Variants in PCGF5 observed in about 807,000 individuals in gnomAD.
PCGF5 encodes the protein polycomb group ring finger 5.
In PCGF5, 9 loss-of-function variants were observed where a neutral mutation model predicts 44.3. The ratio of observed to expected loss-of-function variants is 0.20; its 90% CI spans 0.12 to 0.35. PCGF5 has a LOEUF of 0.35. PCGF5 is among the 10% of genes least tolerant of loss of function. The probability of loss-of-function intolerance (pLI) is 1.00; values close to 1 mark genes in which losing one functional copy is unlikely to be tolerated. For missense variants in PCGF5, 146 were observed against 305.3 expected (o/e 0.48, Z 3.89); for synonymous variants, 95 against 102.5 (o/e 0.93, Z 0.44).
In PCGF5 at chr10:91,230,396, A is replaced by C. The variant is rs186438602; in HGVS notation, c.112+7413A>C. Reference sequence around the variant, plus strand: ...TAACTTTGTAAAAAAGACAAAAGATAATTTTCATTTGGGTACTCTGAAGAC... The same window carrying C: ...TAACTTTGTAAAAAAGACAAAAGATCATTTTCATTTGGGTACTCTGAAGAC... On this transcript the variant is annotated intron_variant, in intron 2 of 9. Coordinates refer to ENST00000336126, the MANE Select transcript of PCGF5 (RefSeq NM_032373.5). Among the ~76,000 whole-genome samples, 20 of 152,238 alleles carry C rather than the reference A, an allele frequency of 1.3e-4. No individual in the cohort carries two copies. In the East Asian group the frequency reaches 3.9e-3, roughly 29 times the overall value.
intron 1 of PCGF5, among the ~76,000 whole-genome samples, chr10:91,210,130 C>T (rs984337532): frequency 2.6e-5 from 4 of 152,142 alleles, no homozygotes; most frequent in Non-Finnish European, 5.9e-5. Flanking sequence ...TCTCCCTTAA[C>T]GCTTCCTTCT....
intron 6 of PCGF5, among the ~76,000 whole-genome samples, chr10:91,258,526 A>T (rs1436504162): frequency 6.6e-6 from 1 of 152,112 alleles, no homozygotes; most frequent in Non-Finnish European, 1.5e-5. Context: ...CAGACTGGGG[A>T]TGATCAACCT....
At chr10:91,162,396 CT>C (rs1488902609), upstream of PCGF5, among the ~76,000 whole-genome samples, 1 of 152,048 alleles carries the variant, frequency 6.6e-6, no homozygotes, top group African/African-American at 2.4e-5. Flanking sequence ...TGGAGGGCAG[CT>C]TATACGGGAA....
intron 1 of PCGF5, among the ~76,000 whole-genome samples, chr10:91,179,556 G>A (rs968063989): frequency 1.3e-5 from 2 of 152,112 alleles, no homozygotes; most frequent in African/African-American, 2.4e-5. Flanking sequence ...GTGTCCATAT[G>A]TTCTCATCAT....
chr10:91,278,488 G>C lies in PCGF5; in HGVS notation c.*172G>C. On this transcript the variant is annotated 3_prime_UTR_variant, in exon 10 of 10. Coordinates refer to ENST00000336126, the MANE Select transcript of PCGF5 (RefSeq NM_032373.5). ...GTTGCATTCATGTTGTTTCTATTAGGAGCAAACCAAGTGCCATTCTGCTAC... is the reference window on the plus strand; with the variant it reads ...GTTGCATTCATGTTGTTTCTATTAGCAGCAAACCAAGTGCCATTCTGCTAC... 2 of 629,280 alleles carry C rather than the reference G, an allele frequency of 3.2e-6. No individual in the cohort carries two copies. Among genetic ancestry groups the C allele is most frequent in the Non-Finnish European group, 5.7e-6 (2 of 350,358 alleles). 39.0% of individuals were successfully genotyped at this position (629,280 alleles called of 1,614,324 possible).
At position 91,246,229 on chromosome 10, in the gene PCGF5, G is replaced by A. The variant is rs1359437325; in HGVS notation, c.210-2276G>A. Among the ~76,000 whole-genome samples the A allele has an allele frequency of 3.3e-5, 5 of 152,208 alleles. No homozygotes were observed. The East Asian group carries it at 9.6e-4, about 29-fold the overall frequency. On this transcript the variant is annotated intron_variant, in intron 3 of 9. Transcript: ENST00000336126. The stretch of plus-strand genomic sequence containing the variant: ...CTGATCTGTTTGTATGTAGTGAGAA[G>A]TGCTGTTTTTTATTCACTCCTACTA...
At chr10:91,225,263 G>GTATATACGATATATATCATAACA (rs1009656480) in intron 2 of PCGF5, among the ~76,000 whole-genome samples, 4 of 145,352 alleles carry the variant, frequency 2.8e-5, no homozygotes, top group Admixed American at 6.9e-5. Context: ...TCGTATATAT[G>GTATATACGATATATATCATAACA]TATATACGAT....
upstream of PCGF5, among the ~76,000 whole-genome samples, chr10:91,216,197 A>C (rs144097787): frequency 6.6e-6 from 1 of 152,336 alleles, no homozygotes; most frequent in Non-Finnish European, 1.5e-5. Flanking sequence ...GTGAGTTGTT[A>C]ATGTATGAAT....
chr10:91,170,128 A>G (rs897764326), intron 1 of PCGF5, among the ~76,000 whole-genome samples: 7 of 152,366 alleles, frequency 4.6e-5, no homozygotes, highest in Middle Eastern at 3.4e-3. Flanking sequence ...CCAAAAATTA[A>G]TTCAAAATGG....
chr10:91,259,795 C>G (rs1845849842), intron 6 of PCGF5, among the ~76,000 whole-genome samples: 1 of 152,182 alleles, frequency 6.6e-6, no homozygotes, highest in South Asian at 2.1e-4. Context: ...GGATCCCTTC[C>G]TTACACCTTA....
intron 1 of PCGF5, among the ~76,000 whole-genome samples, chr10:91,214,327 GAGAC>G (rs936878680): frequency 9.3e-5 from 14 of 150,992 alleles, no homozygotes; most frequent in African/African-American, 2.2e-4. Flanking sequence ...AAAAAAAGGA[GAGAC>G]AGACAGACAA....
At chr10:91,212,680 C>T (rs916994278) in intron 1 of PCGF5, among the ~76,000 whole-genome samples, 1 of 152,184 alleles carries the variant, frequency 6.6e-6, no homozygotes, top group African/African-American at 2.4e-5. Context: ...CCCACTAATT[C>T]TGTTTGTTGT....
At chr10:91,179,808 A>G (rs1843785811) in intron 1 of PCGF5, among the ~76,000 whole-genome samples, 1 of 152,236 alleles carries the variant, frequency 6.6e-6, no homozygotes, top group African/African-American at 2.4e-5. Context: ...TGTGATAAAC[A>G]TATGCATGCA....
In PCGF5 at chr10:91,281,045, T is replaced by C. The variant is rs1453538331; in HGVS notation, c.*2729T>C. On this transcript the variant is annotated 3_prime_UTR_variant, in exon 10 of 10. Coordinates refer to ENST00000336126, the MANE Select transcript of PCGF5 (RefSeq NM_032373.5). ...TAAGTATAAAAGGGTCAAGGGAACT[T>C]AGATATAAAGAATGACTGTGGTTTA... 1 of 152,488 alleles carries C rather than the reference T, an allele frequency of 6.6e-6. No individual in the cohort carries two copies. The highest frequency in any genetic ancestry group is 2.1e-4 in the South Asian group (1 of 4,828). The allele number at this position is 152,488 out of a possible 1,614,324, so 9.4% of individuals were successfully genotyped here.
chr10:91,188,665 C>T (rs1421518295), intron 1 of PCGF5, among the ~76,000 whole-genome samples: 2 of 152,156 alleles, frequency 1.3e-5, no homozygotes, highest in Non-Finnish European at 2.9e-5. Flanking sequence ...TTCATTTCCT[C>T]ACTGACCCTC....
At chr10:91,203,431 T>C (rs1844288552) in intron 1 of PCGF5, among the ~76,000 whole-genome samples, 1 of 152,216 alleles carries the variant, frequency 6.6e-6, no homozygotes. Flanking sequence ...ATGACTTCTG[T>C]CTGATAAAGA....
intron 9 of PCGF5, among the ~76,000 whole-genome samples, chr10:91,275,860 A>G (rs1192785330): frequency 2.0e-5 from 3 of 152,210 alleles, no homozygotes; most frequent in Admixed American, 6.5e-5. Flanking sequence ...ATCCTGGGGC[A>G]AAAGAAATAG....
intron 6 of PCGF5, among the ~76,000 whole-genome samples, chr10:91,251,891 A>T (rs1055083813): frequency 7.9e-5 from 12 of 152,016 alleles, no homozygotes; most frequent in Non-Finnish European, 1.8e-4. Flanking sequence ...TTAATCAATT[A>T]GTTTTGAAGT....
intron 1 of PCGF5, among the ~76,000 whole-genome samples, chr10:91,164,223 C>T (rs977515869): frequency 2.0e-5 from 3 of 151,840 alleles, no homozygotes; most frequent in Admixed American, 6.6e-5. Context: ...ACAGCGGGGT[C>T]CCCCCCTTCC....
Sources: allele counts gnomAD v4.1 joint callset (sites outside exome capture counted in the v4.1 genomes callset), GRCh38; gene constraint gnomAD v4.1.1; transcripts MANE v1.5; gene names NCBI Gene and HGNC (gene_info 2026-07-23, HGNC 2026-07-21).